Variants in IQSEC2 observed in about 807,000 individuals in gnomAD.
IQSEC2 encodes the protein IQ motif and SEC7 domain-containing protein 2.
Under a neutral mutation model 74.6 loss-of-function variants are expected in IQSEC2, and 6 were observed. The observed-to-expected ratio is 0.08, with a 90% confidence interval of 0.04 to 0.16. The LOEUF is 0.16. Ranked by LOEUF, IQSEC2 falls within the 10% of genes least tolerant of loss-of-function variation. The pLI, the probability that IQSEC2 is intolerant of heterozygous loss-of-function variation, is 1.00. For synonymous variants in IQSEC2, 494 were observed against 544.5 expected (o/e 0.91, Z 1.29); for missense variants, 734 against 1,306.2 (o/e 0.56, Z 6.75).
chrX:53,289,136 G>A (rs940874114), intron 2 of IQSEC2, among the ~76,000 whole-genome samples: 2 of 100,840 alleles, frequency 2.0e-5, no homozygotes, highest in South Asian at 3.8e-4. Flanking sequence ...GCCTCTCCTC[G>A]GTGTTTCTTC....
chrX:53,304,605 A>C (rs2075242281), intron 1 of IQSEC2, among the ~76,000 whole-genome samples: 1 of 112,347 alleles, frequency 8.9e-6, no homozygotes, highest in Non-Finnish European at 1.9e-5. Flanking sequence ...TAAAGAGAAA[A>C]GTATCACTTC....
intron 2 of IQSEC2, among the ~76,000 whole-genome samples, chrX:53,282,392 C>T (rs1050516016): frequency 1.8e-5 from 2 of 112,792 alleles, no homozygotes; most frequent in African/African-American, 6.4e-5. Flanking sequence ...CTCTGTCCTC[C>T]ACATGGGCGG....
intron 1 of IQSEC2, among the ~76,000 whole-genome samples, chrX:53,296,781 C>T (rs1440879742): frequency 1.8e-5 from 2 of 110,773 alleles, no homozygotes; most frequent in African/African-American, 6.6e-5. Flanking sequence ...AGGCTGGTCT[C>T]GAACTCCTGA....
chrX:53,308,960 C>A (rs1556877381), intron 1 of IQSEC2, among the ~76,000 whole-genome samples: 1 of 108,750 alleles, frequency 9.2e-6, no homozygotes, highest in East Asian at 2.9e-4. Context: ...AAAACTTTGC[C>A]AGGTGTAGTG....
chrX:53,246,693 G>A (rs782458672), intron 8 of IQSEC2, among the ~76,000 whole-genome samples: 1 of 112,463 alleles, frequency 8.9e-6, no homozygotes, highest in Non-Finnish European at 1.9e-5. Flanking sequence ...ATGAATCAGA[G>A]TAAAGCCTTG....
At chrX:53,252,343 G>C (rs1157709964) in intron 4 of IQSEC2, among the ~76,000 whole-genome samples, 1 of 102,973 alleles carries the variant, frequency 9.7e-6, no homozygotes, top group Non-Finnish European at 2.0e-5. Flanking sequence ...TTACAGGCAT[G>C]AGCTACCACA....
intron 2 of IQSEC2, among the ~76,000 whole-genome samples, chrX:53,284,656 T>C (rs2075007599): frequency 9.0e-6 from 1 of 111,541 alleles, no homozygotes; most frequent in South Asian, 3.8e-4. Context: ...CTCTCAACAC[T>C]GTGTTCAGAT....
intron 2 of IQSEC2, chrX:53,267,003 A>T: frequency 8.7e-7 from 1 of 1,154,744 alleles, no homozygotes; most frequent in East Asian, 3.3e-5. Context: ...GAGGCCGGAC[A>T]GCAGAACTGG....
intron 8 of IQSEC2, among the ~76,000 whole-genome samples, chrX:53,246,519 C>T (rs963424881): frequency 3.6e-5 from 4 of 111,935 alleles, no homozygotes; most frequent in Admixed American, 2.8e-4. Flanking sequence ...ACACACTAAG[C>T]GCTAAGTGTT....
chrX:53,305,815 C>G (rs948928506), intron 1 of IQSEC2, among the ~76,000 whole-genome samples: 4 of 111,410 alleles, frequency 3.6e-5, no homozygotes, highest in Non-Finnish European at 5.6e-5. Context: ...GGCCCCTCTC[C>G]CTCATCTGTC....
At chrX:53,308,468 T>C (rs1326187614) in intron 1 of IQSEC2, among the ~76,000 whole-genome samples, 1 of 111,588 alleles carries the variant, frequency 9.0e-6, no homozygotes, top group Non-Finnish European at 1.9e-5. Context: ...CGATGACTAA[T>C]AGTGACATAG....
rs958748942 is a variant in IQSEC2, at chrX:53,278,637, A to G, written c.737+13258T>C. Reference sequence around the variant, plus strand: ...AACCATCTTGTTCTTTAATAAAAGCAATTAAGATTATAAATTTTCCTCTGG... The same window carrying G: ...AACCATCTTGTTCTTTAATAAAAGCGATTAAGATTATAAATTTTCCTCTGG... On this transcript the variant is annotated intron_variant, in intron 2 of 14. Coordinates refer to ENST00000642864, the MANE Select transcript of IQSEC2 (RefSeq NM_001111125.3). Among the ~76,000 whole-genome samples the G allele has an allele frequency of 9.1e-4, 102 of 112,166 alleles. 1 individual carries two copies. The highest frequency in any genetic ancestry group is 1.3e-3 in the Non-Finnish European group (70 of 53,236).
intron 9 of IQSEC2, among the ~76,000 whole-genome samples, chrX:53,242,465 A>G (rs1434144358): frequency 2.8e-5 from 3 of 105,923 alleles, no homozygotes; most frequent in Non-Finnish European, 5.8e-5. Context: ...AAAAAATTCA[A>G]TCCCAAAATG....
intron 2 of IQSEC2, among the ~76,000 whole-genome samples, chrX:53,289,603 T>C (rs1340273498): frequency 1.8e-5 from 2 of 111,261 alleles, no homozygotes; most frequent in Admixed American, 9.6e-5. Flanking sequence ...CTGGAGCGAA[T>C]TCAAAAATTT....
At chrX:53,305,957 A>G (rs1410688544) in intron 1 of IQSEC2, among the ~76,000 whole-genome samples, 1 of 112,582 alleles carries the variant, frequency 8.9e-6, no homozygotes, top group Non-Finnish European at 1.9e-5. Flanking sequence ...GGTTAGGCAC[A>G]GGTATTGTAG....
chrX:53,320,450 G>T lies in IQSEC2; in HGVS notation c.674C>A (p.Thr225Asn). 1 of 1,166,575 alleles carries T rather than the reference G, an allele frequency of 8.6e-7. No individual in the cohort carries two copies. The highest frequency in any genetic ancestry group is 1.9e-5 in the South Asian group (1 of 52,720). Residue 225 changes from threonine (T) to asparagine (N), a missense_variant, in exon 1 of 15, where the codon ACC (threonine) becomes AAC (asparagine). Around this residue, in one of 12 missense-constraint regions of IQSEC2, gnomAD observed 134 missense variants for 214.9 expected, o/e 0.62. Coordinates refer to ENST00000642864, the MANE Select transcript of IQSEC2 (RefSeq NM_001111125.3). The stretch of plus-strand genomic sequence containing the variant: ...GAGGGTCGTGGCCGGGCTGGTGCTG[G>T]TACTGGTGCTGTGGCCTCCGCCGGC... ...PGAGGGHSTS[T>N]STSPATTLQR...
At position 53,280,799 on chromosome X, in the gene IQSEC2, C is replaced by T. The variant is rs1246368342; in HGVS notation, c.737+11096G>A. ...CTGGTCCCTGCCCTACCCAGTGCAG[C>T]GCAGATGCCAGAGGTATGCCAGTCA... On this transcript the variant is annotated intron_variant, in intron 2 of 14. Transcript: ENST00000642864. Among the ~76,000 whole-genome samples the T allele has an allele frequency of 4.5e-5, 5 of 111,646 alleles. No homozygotes were observed. In the South Asian group the frequency reaches 1.5e-3, roughly 34 times the overall value.
chrX:53,260,183 G>A (rs1556866204), intron 2 of IQSEC2, among the ~76,000 whole-genome samples: 2 of 112,058 alleles, frequency 1.8e-5, no homozygotes, highest in African/African-American at 6.5e-5. Context: ...CTCAGGGAAG[G>A]CCTTTCTGGA....
At chrX:53,245,446 A>C (rs1422778938) in intron 8 of IQSEC2, among the ~76,000 whole-genome samples, 1 of 108,476 alleles carries the variant, frequency 9.2e-6, no homozygotes, top group Non-Finnish European at 1.9e-5. Context: ...AAAAAAAAAA[A>C]AACAAATAAA....
Sources: gnomAD v4.1 joint callset for allele counts (sites outside exome capture counted in the v4.1 genomes callset) on GRCh38, gnomAD v4.1.1 for gene constraint, gnomAD v4.1.1 regional missense constraint, MANE v1.5 for transcripts, NCBI Gene and HGNC (gene_info 2026-07-23, HGNC 2026-07-21) for gene names.